The following TRIP11 variants were observed in gnomAD, a reference collection of about 807,000 sequenced individuals.
TRIP11 encodes thyroid receptor-interacting protein 11.
Under a neutral mutation model 223.1 loss-of-function variants are expected in TRIP11, and 148 were observed. That is an observed-to-expected ratio of 0.66 (90% CI 0.58 to 0.76). TRIP11 has a LOEUF of 0.76. Among genes scored for constraint, TRIP11 ranks in the 30% least tolerant of loss-of-function variants. The pLI is 0.00. For synonymous variants in TRIP11, 762 were observed against 772.6 expected (o/e 0.99, Z 0.23); for missense variants, 2,043 against 2,222.0 (o/e 0.92, Z 1.62).
intron 4 of TRIP11, 119 bp downstream of exon 4, chr14:92,021,437 C>T: frequency 4.2e-6 from 4 of 961,872 alleles, no homozygotes; most frequent in Non-Finnish European, 6.2e-6. Context: ...TTAGAATACA[C>T]CTTTTCTATT....
chr14:91,985,392 C>A (rs189894019), intron 16 of TRIP11, among the ~76,000 whole-genome samples: 1 of 147,622 alleles, frequency 6.8e-6, no homozygotes, highest in East Asian at 2.0e-4. Flanking sequence ...ACTCTTAATT[C>A]ATAAGCACAG....
rs74073688 is a variant in TRIP11, at chr14:92,012,691, G to A, written c.1187-896C>T. 5.3e-3 allele frequency among the ~76,000 whole-genome samples: 809 copies of A among 152,334 alleles called. 10 individuals are homozygous for A. Among genetic ancestry groups the A allele is most frequent in the African/African-American group, 0.018 (743 of 41,558 alleles). ...GAAAATGCAAGGGTAACAGAGTGAA[G>A]AGGTAACATTGCTGCTTTAAGGAGC... On this transcript the variant is annotated intron_variant, in intron 7 of 20. Transcript: ENST00000267622.
chr14:92,015,920 A>G, intron 5 of TRIP11, 59 bp from the exon 6 acceptor site: 1 of 1,448,764 alleles, frequency 6.9e-7, no homozygotes, highest in South Asian at 1.2e-5. Context: ...TGTAAGCTAT[A>G]TATTTAACTG....
rs1347781488 is a variant in TRIP11 at position 91,968,344 on chromosome 14, A to G, written c.*1329T>C. The G allele has an allele frequency of 4.9e-5, 10 of 203,216 alleles. No homozygotes were observed. Among genetic ancestry groups the G allele is most frequent in the Non-Finnish European group, 1.0e-4 (10 of 99,514 alleles). 12.6% of individuals were successfully genotyped at this position (203,216 alleles called of 1,614,324 possible). On this transcript the variant is annotated 3_prime_UTR_variant, in exon 21 of 21. Transcript: ENST00000267622. ...AGTTTCAAGTCGGGATTTTTTTTTT[A>G]TGATGGGTTTATGAAAAATTAAAGA...
rs1445337860 is a variant in TRIP11 at position 92,005,465 on chromosome 14, G to C, written c.2511C>G (p.Ala837=). Residue 837 remains alanine, a synonymous_variant, in exon 11 of 21, where the codon GCC becomes GCG. Transcript: ENST00000267622. ...GTCTTAAAATTTCATTTTTTCTTAA[G>C]GCCTGAGAATATTTATCCAATTCCT... ...LQEELDKYSQ[A]LRKNEILRQT... The C allele has an allele frequency of 6.2e-7, 1 of 1,613,714 alleles. No individual in the cohort carries two copies. The highest frequency in any genetic ancestry group is 8.5e-7 in the Non-Finnish European group (1 of 1,179,960).
At chr14:92,002,301 C>A (rs1227119595) in intron 11 of TRIP11, among the ~76,000 whole-genome samples, 2 of 152,144 alleles carry the variant, frequency 1.3e-5, no homozygotes, top group African/African-American at 4.8e-5. Context: ...CTGGCACTAT[C>A]CATATAACTG....
rs757078801 is a variant in TRIP11, at chr14:92,025,377, T to C, written c.245A>G (p.His82Arg). ...CTTTATTTGAATCTCTGATGCTTCA[T>C]GTTTCTCTTCTAGATCAGTACAAAG... ...KKLCTDLEEK[H>R]EASEIQIKQQ... Residue 82 changes from histidine (H) to arginine (R), a missense_variant, in exon 3 of 21, where the codon CAT becomes CGT. His to Arg is a conservative substitution (Grantham distance 29). Transcript: ENST00000267622. The C allele has an allele frequency of 2.5e-6, 4 of 1,613,448 alleles. No homozygotes were observed. The highest frequency in any genetic ancestry group is 2.7e-5 in the African/African-American group (2 of 74,926).
intron 15 of TRIP11, among the ~76,000 whole-genome samples, chr14:91,990,958 T>A (rs2056664498): frequency 6.6e-6 from 1 of 152,234 alleles, no homozygotes; most frequent in African/African-American, 2.4e-5. Flanking sequence ...GTATAAATGG[T>A]CAATAAACAT....
chr14:91,987,028 C>G (rs2056612185), intron 16 of TRIP11, among the ~76,000 whole-genome samples: 1 of 152,100 alleles, frequency 6.6e-6, no homozygotes, highest in Admixed American at 6.6e-5. Flanking sequence ...TCAAATCTTG[C>G]CTCTTTAATC....
chr14:91,991,409 T>C (rs955669840), intron 15 of TRIP11, among the ~76,000 whole-genome samples: 17 of 152,172 alleles, frequency 1.1e-4, no homozygotes, highest in African/African-American at 4.1e-4. Flanking sequence ...CAGCACAAAA[T>C]GGACTAAGAC....
chr14:92,015,688 C>T lies in TRIP11; in HGVS notation c.823+8G>A. On this transcript the variant is annotated splice_region_variant and intron_variant, in intron 6 of 20. Transcript: ENST00000267622. ...AAATAATAATAATAAAGAAATAAAA[C>T]TAATAACCTTGTTGTAACAGATTTT... 1 of 1,598,454 alleles carries T rather than the reference C, an allele frequency of 6.3e-7. No homozygotes were observed. Among genetic ancestry groups the T allele is most frequent in the Non-Finnish European group, 8.5e-7 (1 of 1,171,730 alleles).
At chr14:91,994,010 C>G (rs966117125) in intron 14 of TRIP11, 98 bp from the exon 15 acceptor site, 15 of 863,796 alleles carry the variant, frequency 1.7e-5, no homozygotes, top group Non-Finnish European at 2.4e-5. Flanking sequence ...GAAAACAGTT[C>G]AAATGTCTCA....
chr14:92,000,204 T>C, intron 11 of TRIP11, 96 bp from the exon 12 acceptor site: 1 of 1,556,580 alleles, frequency 6.4e-7, no homozygotes. Context: ...TCATTTAATT[T>C]TTAAATAGGG....
chr14:92,002,912 G>A (rs777383733), intron 11 of TRIP11, among the ~76,000 whole-genome samples: 4 of 151,918 alleles, frequency 2.6e-5, no homozygotes, highest in Admixed American at 1.3e-4. Flanking sequence ...AGTATCACAC[G>A]TAATAAGAGC....
At chr14:92,006,918 T>G (rs1256112278) in intron 10 of TRIP11, among the ~76,000 whole-genome samples, 1 of 152,212 alleles carries the variant, frequency 6.6e-6, no homozygotes, top group African/African-American at 2.4e-5. Context: ...TCTGCCTGCC[T>G]CAGCCTCCCA....
rs779711976 is a variant in TRIP11, at chr14:91,969,783, C to G, written c.5830G>C (p.Gly1944Arg). 3 of 1,613,968 alleles carry G rather than the reference C, an allele frequency of 1.9e-6. No homozygotes were observed. Among genetic ancestry groups the G allele is most frequent in the Non-Finnish European group, 2.5e-6 (3 of 1,180,026 alleles). The change falls in exon 21 of 21, where the codon GGG becomes CGG. Residue 1944 changes from glycine to arginine, a missense_variant. By Grantham distance (125) the Gly-to-Arg change is moderately radical. Transcript: ENST00000267622. The stretch of plus-strand genomic sequence containing the variant: ...GAGATGGGTTTCAGAAGAAGATGCC[C>G]GGGCCCACCAGGTCCAAGTCCAGCT... Reference protein sequence around the residue: ...NPAGLGPGGPGHLLLKPISDV... With the variant: ...NPAGLGPGGPRHLLLKPISDV...
Position 92,004,187 on chromosome 14 carries a change from T to C in TRIP11, c.3789A>G (p.Leu1263=). 2 of 1,614,210 alleles carry C rather than the reference T, an allele frequency of 1.2e-6. No individual in the cohort carries two copies. Among genetic ancestry groups the C allele is most frequent in the Non-Finnish European group, 1.7e-6 (2 of 1,180,046 alleles). Reference sequence around the variant, plus strand: ...GGATCAGGCCAGTATAGTCCACTTGTAATTTAGAATTATTATCACTGTCAA... The same window carrying C: ...GGATCAGGCCAGTATAGTCCACTTGCAATTTAGAATTATTATCACTGTCAA... ...VLVDSDNNSK[L]QVDYTGLIQS... The change falls in exon 11 of 21, where the codon TTA becomes TTG. Residue 1263 remains leucine, a synonymous_variant. Transcript: ENST00000267622.
intron 16 of TRIP11, among the ~76,000 whole-genome samples, chr14:91,984,479 C>G (rs2056582067): frequency 6.6e-6 from 1 of 151,882 alleles, no homozygotes; most frequent in Non-Finnish European, 1.5e-5. Context: ...CCATGCCTGG[C>G]TAATTTTTAT....
At chr14:92,011,692 C>T in intron 8 of TRIP11, 63 bp downstream of exon 8, 2 of 1,362,630 alleles carry the variant, frequency 1.5e-6, no homozygotes, top group Non-Finnish European at 2.1e-6. Context: ...ACTCATTTCT[C>T]ACTTGGTATA....
Sources: allele counts gnomAD v4.1 joint callset (sites outside exome capture counted in the v4.1 genomes callset), GRCh38; gene constraint gnomAD v4.1.1; transcripts MANE v1.5; gene names NCBI Gene and HGNC (gene_info 2026-07-23, HGNC 2026-07-21).